DPP9: variants seen among roughly 807,000 people sequenced by gnomAD.
DPP9 encodes dipeptidyl peptidase IV-related protein-2.
A neutral mutation model predicts 110.7 loss-of-function variants in DPP9; 50 were observed. The ratio of observed to expected loss-of-function variants is 0.45; its 90% confidence interval spans 0.36 to 0.57. The LOEUF is 0.57. Among genes scored for constraint, DPP9 ranks in the 20% least tolerant of loss-of-function variants. The pLI is 0.00. For missense variants in DPP9, 1,022 were observed against 1,217.9 expected, an observed-to-expected ratio of 0.84 and a Z score of 2.39; for synonymous variants, 561 against 514.4, an observed-to-expected ratio of 1.09 and a Z score of -1.23.
At chr19:4,713,545 C>A (rs1259395126) in intron 4 of DPP9, among the ~76,000 whole-genome samples, 2 of 152,228 alleles carry the variant, frequency 1.3e-5, no homozygotes, top group African/African-American at 4.8e-5. Flanking sequence ...GCGTGGCAAG[C>A]CGCCCCTGTG....
rs899609917 is a variant in DPP9 at position 4,714,401 on chromosome 19, C to T, written c.57-64G>A. 69 of 1,442,264 alleles carry T rather than the reference C, an allele frequency of 4.8e-5. No individual in the cohort carries two copies. The African/African-American group carries it at 8.1e-4, about 17-fold the overall frequency. The allele number at this position is 1,442,264 out of a possible 1,614,324, so 89.3% of individuals were successfully genotyped here. ...GTTTTACCTACGAGCTGCCCCAATGCTGCCCCTTGCGAGGCACTCAGGTTC... is the reference window on the plus strand; with the variant it reads ...GTTTTACCTACGAGCTGCCCCAATGTTGCCCCTTGCGAGGCACTCAGGTTC... On this transcript the variant is annotated intron_variant, in intron 3 of 21. Coordinates refer to ENST00000262960, the MANE Select transcript of DPP9 (RefSeq NM_139159.5).
intron 3 of DPP9, among the ~76,000 whole-genome samples, chr19:4,714,769 C>A (rs1248248175): frequency 6.6e-6 from 1 of 151,944 alleles, no homozygotes; most frequent in Non-Finnish European, 1.5e-5. Flanking sequence ...AAAACCCTTC[C>A]TGGTTTTCCA....
At position 4,698,310 on chromosome 19, in the gene DPP9, G is replaced by C. The variant is rs1037449894; in HGVS notation, c.1075-659C>G. Among the ~76,000 whole-genome samples, 56 of 152,206 alleles carry C rather than the reference G, an allele frequency of 3.7e-4. No homozygotes were observed. Among genetic ancestry groups the C allele is most frequent in the African/African-American group, 1.3e-3 (55 of 41,454 alleles). ...ATGGGGCTGGCACAGCATCTCTGGA[G>C]GATCAAAGGGAGAAACGGCAGCAGG... On this transcript the variant is annotated intron_variant, in intron 10 of 21. Coordinates refer to ENST00000262960, the MANE Select transcript of DPP9 (RefSeq NM_139159.5). This position sits in a 1 kb window ranked among gnomAD's most constrained non-coding sequence, Gnocchi z 4.2.
chr19:4,720,688 G>A (rs1036830689), intron 2 of DPP9, among the ~76,000 whole-genome samples: 3 of 152,188 alleles, frequency 2.0e-5, no homozygotes, highest in African/African-American at 7.2e-5. Context: ...GGGTGACCCT[G>A]GCATGGAGTG....
At chr19:4,713,755 C>T (rs551391056) in intron 4 of DPP9, among the ~76,000 whole-genome samples, 4 of 152,206 alleles carry the variant, frequency 2.6e-5, no homozygotes, top group Admixed American at 6.5e-5. Context: ...GGGGTGGACC[C>T]GGCTGACTAG....
intron 4 of DPP9, 100 bp downstream of exon 4, chr19:4,713,981 A>G (rs963681198): frequency 6.9e-7 from 1 of 1,444,916 alleles, no homozygotes; most frequent in African/African-American, 1.4e-5. Context: ...CCATCCGAGC[A>G]GATCTTCCAA....
In DPP9 at chr19:4,689,613, C is replaced by G; in HGVS notation, c.1706G>C (p.Arg569Pro). Residue 569 changes from arginine to proline, a missense_variant, in exon 15 of 22, where the codon CGC becomes CCC. By Grantham distance (103) the Arg-to-Pro change is moderately radical. Transcript: ENST00000262960. This position sits in a 1 kb window ranked among gnomAD's most constrained non-coding sequence, Gnocchi z 7.0. ...ATGGGAGAAGCCGGGCGTGGTGAGGCGTACGATCTCGCCGGCCGCCTCATA... is the reference window on the plus strand; with the variant it reads ...ATGGGAGAAGCCGGGCGTGGTGAGGGGTACGATCTCGCCGGCCGCCTCATA... ...VSYEAAGEIVRLTTPGFSHSC... is the reference protein window; with the variant it reads ...VSYEAAGEIVPLTTPGFSHSC... 1 of 1,573,684 alleles carries G rather than the reference C, an allele frequency of 6.4e-7. No homozygotes were observed. Among genetic ancestry groups the G allele is most frequent in the Non-Finnish European group, 8.6e-7 (1 of 1,160,452 alleles).
chr19:4,703,168 AG>A (rs1411629923), intron 7 of DPP9, among the ~76,000 whole-genome samples: 13 of 152,052 alleles, frequency 8.5e-5, no homozygotes, highest in African/African-American at 3.1e-4. Context: ...ACTTCTGATG[AG>A]CAAGGGAGTG....
rs1348418784 is a variant in DPP9 at position 4,714,193 on chromosome 19, G to C, written c.201C>G (p.Ile67Met). 3 of 1,610,420 alleles carry C rather than the reference G, an allele frequency of 1.9e-6. No homozygotes were observed. Among genetic ancestry groups the C allele is most frequent in the South Asian group, 1.1e-5 (1 of 90,530 alleles). Residue 67 changes from isoleucine to methionine, a missense_variant, in exon 4 of 22, where the codon ATC becomes ATG. By Grantham distance (10) the Ile-to-Met change is conservative. Coordinates refer to ENST00000262960, the MANE Select transcript of DPP9 (RefSeq NM_139159.5). ...KHSWDGLRSI[I>M]HGSRKYSGLI... Reference sequence around the variant, plus strand: ...GGCCCGAGTACTTGCGGCTGCCGTGGATGATGCTCCGGAGCCCGTCCCACG... The same window carrying C: ...GGCCCGAGTACTTGCGGCTGCCGTGCATGATGCTCCGGAGCCCGTCCCACG...
chr19:4,701,974 C>G, intron 9 of DPP9, 53 bp downstream of exon 9: 1 of 1,590,320 alleles, frequency 6.3e-7, no homozygotes, highest in Non-Finnish European at 8.6e-7. Context: ...ACCAGCCATG[C>G]CCCAGGGGCC....
intron 8 of DPP9, among the ~76,000 whole-genome samples, 157 bp downstream of exon 8, chr19:4,702,446 C>T (rs903249896): frequency 2.0e-5 from 3 of 152,072 alleles, no homozygotes; most frequent in African/African-American, 7.2e-5. Flanking sequence ...AGGGCAACAG[C>T]GATGTCTACA....
In DPP9 at chr19:4,719,811, C is replaced by T. The variant is rs1418420925; in HGVS notation, c.56+40G>A. On this transcript the variant is annotated intron_variant, in intron 3 of 21. Coordinates refer to ENST00000262960, the MANE Select transcript of DPP9 (RefSeq NM_139159.5). ...CTGTTGGGGAATTCCAGAAGCTGGG[C>T]CACATCCTCACGGATCAGGGCCTCC... 9.0e-6 allele frequency: 14 copies of T among 1,550,490 alleles called. 1 individual carries two copies. In the East Asian group the frequency reaches 2.9e-4, roughly 32 times the overall value.
At chr19:4,702,499 G>T in intron 8 of DPP9, 104 bp downstream of exon 8, 1 of 836,960 alleles carries the variant, frequency 1.2e-6, no homozygotes, top group Non-Finnish European at 1.9e-6. Flanking sequence ...ACAGACTGTG[G>T]AGGTGGTTTG....
intron 21 of DPP9, among the ~76,000 whole-genome samples, chr19:4,678,128 T>C (rs1290624934): frequency 6.6e-6 from 1 of 152,064 alleles, no homozygotes; most frequent in Non-Finnish European, 1.5e-5. Context: ...TTTTTTTTCT[T>C]TTGAGACGGA....
At chr19:4,706,279 C>T (rs1268730720) in intron 4 of DPP9, among the ~76,000 whole-genome samples, 4 of 140,410 alleles carry the variant, frequency 2.8e-5, no homozygotes, top group Non-Finnish European at 6.2e-5. Context: ...AGAGGACTGC[C>T]TGAGCCCAGG....
In DPP9 at chr19:4,700,176, T is replaced by G. The variant is rs534770044; in HGVS notation, c.1074+40A>C. 4 of 1,489,900 alleles carry G rather than the reference T, an allele frequency of 2.7e-6. No homozygotes were observed. Among genetic ancestry groups the G allele is most frequent in the Non-Finnish European group, 3.6e-6 (4 of 1,098,078 alleles). The allele number at this position is 1,489,900 out of a possible 1,614,324, so 92.3% of individuals were successfully genotyped here. A position where few individuals can be genotyped will look rare whatever the true frequency, so the allele number is the denominator to read the frequency against. ...GCTGCCTACCCGGCCCTTCCCCGCA[T>G]CATCTAGTAGATTATCTGGTATGCA... On this transcript the variant is annotated intron_variant, in intron 10 of 21. Transcript: ENST00000262960. This position sits in a 1 kb window ranked among gnomAD's most constrained non-coding sequence, Gnocchi z 4.3.
At chr19:4,705,568 T>C (rs16992502) in intron 5 of DPP9, among the ~76,000 whole-genome samples, 6,298 of 152,356 alleles carry the variant, frequency 0.041, 381 homozygotes, top group African/African-American at 0.12. Context: ...CTGGATGAGA[T>C]TGATGATTAA....
At position 4,704,287 on chromosome 19, in the gene DPP9, C is replaced by T; in HGVS notation, c.444G>A (p.Gly148=). ...LDHFQATPHH[G]VYSREEELLR... is the part of the protein sequence containing the mutation. Reference sequence around the variant, plus strand: ...GCAGCTCCTCCTCCCGAGAGTAGACCCCATGGTGGGGCGTGGCCTGGAAAC... The same window carrying T: ...GCAGCTCCTCCTCCCGAGAGTAGACTCCATGGTGGGGCGTGGCCTGGAAAC... The change falls in exon 6 of 22, where the codon GGG becomes GGA. Residue 148 remains glycine (G), a synonymous_variant. Coordinates refer to ENST00000262960, the MANE Select transcript of DPP9 (RefSeq NM_139159.5). This position sits in a 1 kb window ranked among gnomAD's most constrained non-coding sequence, Gnocchi z 6.0. 6.2e-7 allele frequency: 1 copy of T among 1,613,178 alleles called. No individual in the cohort carries two copies. The highest frequency in any genetic ancestry group is 8.5e-7 in the Non-Finnish European group (1 of 1,179,848).
In DPP9 at chr19:4,718,956, C is replaced by T. The variant is rs948106299; in HGVS notation, c.56+895G>A. On this transcript the variant is annotated intron_variant, in intron 3 of 21. Coordinates refer to ENST00000262960, the MANE Select transcript of DPP9 (RefSeq NM_139159.5). The surrounding 1 kb of genome is among the most constrained non-coding windows in gnomAD (Gnocchi z 4.3). Reference sequence around the variant, plus strand: ...GCCAGGCCCTGAGACATGGAGTTTACTGACTGCCCCGGGGGGTGCGTGTCT... The same window carrying T: ...GCCAGGCCCTGAGACATGGAGTTTATTGACTGCCCCGGGGGGTGCGTGTCT... Among the ~76,000 whole-genome samples, 1 of 152,182 alleles carries T rather than the reference C, an allele frequency of 6.6e-6. No individual in the cohort carries two copies. The highest frequency in any genetic ancestry group is 1.5e-5 in the Non-Finnish European group (1 of 68,036).
Sources: gnomAD v4.1 joint callset for allele counts (sites outside exome capture counted in the v4.1 genomes callset) on GRCh38, gnomAD v4.1.1 for gene constraint, Gnocchi (gnomAD v3.1) non-coding constraint, MANE v1.5 for transcripts, NCBI Gene and HGNC (gene_info 2026-07-23, HGNC 2026-07-21) for gene names.